The following ZFHX4 variants were observed in gnomAD, a reference collection of about 807,000 sequenced individuals.
ZFHX4 encodes the protein zinc finger homeobox protein 4.
ZFHX4 carries 56 observed loss-of-function variants against 267.6 expected under a neutral mutation model. That is an observed-to-expected ratio of 0.21 (90% confidence interval 0.17 to 0.26). ZFHX4 has a LOEUF of 0.26. ZFHX4 is among the 10% of genes least tolerant of loss of function. ZFHX4 has a pLI of 1.00. For missense variants in ZFHX4, 4,332 were observed against 4,420.0 expected (o/e 0.98, Z 0.56); for synonymous variants, 1,778 against 1,665.6 (o/e 1.07, Z -1.64).
rs776470692 is a variant in ZFHX4, at chr8:76,849,653, C to G, written c.3787C>G (p.Leu1263Val). ...CCTCAGCAACAAAATGCATCTCCAA[C>G]TGCATCTGACGCATTTGCACAGTGT... is the stretch of plus-strand genomic sequence containing the variant. ...DVLSNKMHLQ[L>V]HLTHLHSVSP... Residue 1263 changes from leucine to valine, a missense_variant, in exon 8 of 11, where the codon CTG becomes GTG. This residue lies in a region of ZFHX4 where 1,371 missense variants were observed against 1,423.1 expected (regional missense o/e 0.96). Coordinates refer to ENST00000651372, the MANE Select transcript of ZFHX4 (RefSeq NM_024721.5). 3 of 1,613,964 alleles carry G rather than the reference C, an allele frequency of 1.9e-6. No homozygotes were observed. Among genetic ancestry groups the G allele is most frequent in the South Asian group, 2.2e-5 (2 of 91,084 alleles).
At chr8:76,760,942 A>AG (rs1563506597) in intron 3 of ZFHX4, among the ~76,000 whole-genome samples, 2 of 150,618 alleles carry the variant, frequency 1.3e-5, no homozygotes, top group East Asian at 3.9e-4. Flanking sequence ...AAAAAAAAAA[A>AG]AAAAAAAAGA....
rs114578384 is a variant in ZFHX4 at position 76,787,435 on chromosome 8, C to G, written c.3325+8996C>G. Among the ~76,000 whole-genome samples, 382 of 152,108 alleles carry G rather than the reference C, an allele frequency of 2.5e-3. 1 individual carries two copies. Among genetic ancestry groups the G allele is most frequent in the African/African-American group, 8.8e-3 (365 of 41,484 alleles). On this transcript the variant is annotated intron_variant, in intron 4 of 10. Coordinates refer to ENST00000651372, the MANE Select transcript of ZFHX4 (RefSeq NM_024721.5). ...GCAAAGGCTCTGAGTTTCAAAACCA[C>G]AGGGTGTGTTGGAGGTCAGTAGCAC...
intron 6 of ZFHX4, among the ~76,000 whole-genome samples, chr8:76,843,670 C>T (rs979456516): frequency 2.2e-4 from 34 of 152,108 alleles, no homozygotes; most frequent in African/African-American, 6.5e-4. Flanking sequence ...AGTGCTGAAA[C>T]GGGTTCAAGC....
intron 3 of ZFHX4, 42 bp from the exon 4 acceptor site, chr8:76,778,165 TG>T: frequency 7.5e-7 from 1 of 1,328,280 alleles, no homozygotes; most frequent in Non-Finnish European, 1.1e-6. Context: ...TTATCCACCA[TG>T]GAGCTAGACC....
intron 3 of ZFHX4, among the ~76,000 whole-genome samples, chr8:76,747,660 A>C (rs773704027): frequency 1.3e-5 from 2 of 152,178 alleles, no homozygotes; most frequent in Non-Finnish European, 2.9e-5. Flanking sequence ...GGCCAGGCAC[A>C]GTGGCTCACG....
intron 3 of ZFHX4, 73 bp downstream of exon 3, chr8:76,708,121 A>C: frequency 6.3e-7 from 1 of 1,581,942 alleles, no homozygotes; most frequent in Non-Finnish European, 8.6e-7. Context: ...TTGGAGCACA[A>C]GTCTCCAACT....
intron 5 of ZFHX4, among the ~76,000 whole-genome samples, chr8:76,835,727 A>G (rs1585993807): frequency 6.6e-6 from 1 of 152,162 alleles, no homozygotes; most frequent in Admixed American, 6.6e-5. Flanking sequence ...GATTTCATTA[A>G]TGACCCAGCA....
chr8:76,722,603 ATG>A (rs1808751579), intron 3 of ZFHX4, among the ~76,000 whole-genome samples: 1 of 149,032 alleles, frequency 6.7e-6, no homozygotes, highest in African/African-American at 2.5e-5. Flanking sequence ...CTCACTTTTT[ATG>A]TGTTTTTTTT....
intron 3 of ZFHX4, among the ~76,000 whole-genome samples, chr8:76,747,459 T>C (rs1809488399): frequency 6.6e-6 from 1 of 152,198 alleles, no homozygotes; most frequent in Non-Finnish European, 1.5e-5. Flanking sequence ...CAGTGTCTAT[T>C]GTTCCCCTCT....
chr8:76,799,442 C>G (rs577949621), intron 4 of ZFHX4, among the ~76,000 whole-genome samples: 5 of 152,100 alleles, frequency 3.3e-5, no homozygotes, highest in Non-Finnish European at 7.4e-5. Flanking sequence ...TTTCACCAAG[C>G]CTTCAAGACG....
Position 76,768,107 on chromosome 8 carries a change from G to C in ZFHX4, c.3094-10101G>C, listed in dbSNP as rs192216742. 8.5e-5 allele frequency among the ~76,000 whole-genome samples: 13 copies of C among 152,208 alleles called. No homozygotes were observed. The East Asian group carries it at 1.9e-3, about 23-fold the overall frequency. ...TTGGGGTATGTACACATAAAACATT[G>C]ACAAGGGTAGAAAGAGGGAAGATTG... is the stretch of plus-strand genomic sequence containing the variant. On this transcript the variant is annotated intron_variant, in intron 3 of 10. Transcript: ENST00000651372.
At chr8:76,691,735 A>G (rs1489560182) in intron 1 of ZFHX4, among the ~76,000 whole-genome samples, 2 of 152,104 alleles carry the variant, frequency 1.3e-5, no homozygotes, top group African/African-American at 2.4e-5. Flanking sequence ...TCTGTATATC[A>G]GGGTTGCTGC....
Position 76,778,496 on chromosome 8 carries a change from C to T in ZFHX4, c.3325+57C>T, listed in dbSNP as rs1810462710. Reference sequence around the variant, plus strand: ...CCTCCCTCCACACCACTTCATCACACACACACACACACAAACACACACACA... The same window carrying T: ...CCTCCCTCCACACCACTTCATCACATACACACACACACAAACACACACACA... On this transcript the variant is annotated intron_variant, in intron 4 of 10. Coordinates refer to ENST00000651372, the MANE Select transcript of ZFHX4 (RefSeq NM_024721.5). 8 of 1,312,982 alleles carry T rather than the reference C, an allele frequency of 6.1e-6. No homozygotes were observed. In the Admixed American group the frequency reaches 1.4e-4, roughly 22 times the overall value. 81.3% of individuals were successfully genotyped at this position (1,312,982 alleles called of 1,614,324 possible). A position where few individuals can be genotyped will look rare whatever the true frequency, so the allele number is the denominator to read the frequency against.
chr8:76,846,674 G>A (rs927743442), intron 6 of ZFHX4, among the ~76,000 whole-genome samples: 37 of 152,006 alleles, frequency 2.4e-4, no homozygotes, highest in African/African-American at 8.2e-4. Context: ...ATGCACACCA[G>A]TGTGTAGGTT....
intron 4 of ZFHX4, among the ~76,000 whole-genome samples, chr8:76,817,690 G>A (rs1239830205): frequency 1.3e-5 from 2 of 152,158 alleles, no homozygotes; most frequent in African/African-American, 4.8e-5. Flanking sequence ...GAGAAAAGGA[G>A]AAAGAATTGC....
intron 5 of ZFHX4, among the ~76,000 whole-genome samples, chr8:76,836,424 G>A (rs1196675511): frequency 1.3e-5 from 2 of 152,172 alleles, no homozygotes; most frequent in Non-Finnish European, 2.9e-5. Flanking sequence ...TTGTGTGACA[G>A]CTCATCAGCT....
chr8:76,830,359 G>A (rs373649762), intron 4 of ZFHX4, among the ~76,000 whole-genome samples: 124 of 152,210 alleles, frequency 8.1e-4, no homozygotes, highest in African/African-American at 2.9e-3. Flanking sequence ...TTAAAACAAC[G>A]AAGGTCAGGG....
chr8:76,737,369 T>C (rs1159698137), intron 3 of ZFHX4, among the ~76,000 whole-genome samples: 1 of 152,208 alleles, frequency 6.6e-6, no homozygotes, highest in Non-Finnish European at 1.5e-5. Context: ...ATAAGACATT[T>C]TATTCTGATG....
At position 76,684,253 on chromosome 8, in the gene ZFHX4, T is replaced by TAA. The variant is rs79967444; in HGVS notation, c.-47+2643_-47+2644dup. 2.3e-3 allele frequency among the ~76,000 whole-genome samples: 342 copies of TAA among 147,010 alleles called. 1 individual carries two copies. Among genetic ancestry groups the TAA allele is most frequent in the African/African-American group, 7.9e-3 (320 of 40,290 alleles). On this transcript the variant is annotated intron_variant, in intron 1 of 10. Transcript: ENST00000651372. ...GGTTTTCTTTTTTCCTTCCTCATCT[T>TAA]AAAAAAAAAAATCCTTAAGGGAATA...
Sources: allele counts gnomAD v4.1 joint callset (sites outside exome capture counted in the v4.1 genomes callset), GRCh38; gene constraint gnomAD v4.1.1; regional missense constraint gnomAD v4.1.1; transcripts MANE v1.5; gene names NCBI Gene and HGNC (gene_info 2026-07-23, HGNC 2026-07-21).